Variants in CNKSR2 observed in about 807,000 individuals in gnomAD.
The protein encoded by CNKSR2 is connector enhancer of kinase suppressor of Ras 2.
Under a neutral mutation model 84.4 loss-of-function variants are expected in CNKSR2, and 14 were observed. The ratio of observed to expected loss-of-function variants is 0.17; its 90% confidence interval spans 0.11 to 0.26. The LOEUF is 0.26. Ranked by LOEUF, CNKSR2 falls within the 10% of genes least tolerant of loss-of-function variation. The probability of loss-of-function intolerance (pLI) is 1.00; values close to 1 mark genes in which losing one functional copy is unlikely to be tolerated. For synonymous variants in CNKSR2, 275 were observed against 277.9 expected (o/e 0.99, Z 0.10); for missense variants, 485 against 771.2 (o/e 0.63, Z 4.40).
At chrX:21,377,599 A>G (rs2089837610) in intron 1 of CNKSR2, among the ~76,000 whole-genome samples, 1 of 111,822 alleles carries the variant, frequency 8.9e-6, no homozygotes, top group Non-Finnish European at 1.9e-5. Flanking sequence ...TTAAAAGCAT[A>G]TAGTATATGC....
intron 7 of CNKSR2, 124 bp from the exon 8 acceptor site, chrX:21,501,396 C>T: frequency 2.8e-6 from 1 of 363,459 alleles, no homozygotes. Flanking sequence ...TGCTTTAATT[C>T]CTTGAAATTT....
At chrX:21,526,717 A>G (rs747740203) in intron 9 of CNKSR2, 150 bp from the exon 10 acceptor site, 95 of 488,070 alleles carry the variant, frequency 1.9e-4, no homozygotes, top group Non-Finnish European at 2.7e-4. Flanking sequence ...ACTAAATAAC[A>G]TGTTTCTTGA....
chrX:21,475,181 G>A (rs771959450), intron 5 of CNKSR2, among the ~76,000 whole-genome samples: 2 of 111,391 alleles, frequency 1.8e-5, no homozygotes, highest in African/African-American at 3.3e-5. Flanking sequence ...AGTAACTGAC[G>A]GAGTATTACT....
chrX:21,592,017 A>T (rs1369594911), intron 15 of CNKSR2: 1 of 111,769 alleles, frequency 8.9e-6, no homozygotes, highest in African/African-American at 3.3e-5. Flanking sequence ...TAAGACATTC[A>T]TCAATTTGCA....
intron 1 of CNKSR2, among the ~76,000 whole-genome samples, chrX:21,408,621 C>T (rs976607471): frequency 2.0e-4 from 22 of 111,426 alleles, no homozygotes; most frequent in African/African-American, 7.2e-4. Flanking sequence ...ACTCCACGTT[C>T]TTTTTTGTCT....
chrX:21,551,047 G>A (rs1449775019), intron 11 of CNKSR2, among the ~76,000 whole-genome samples: 1 of 108,280 alleles, frequency 9.2e-6, no homozygotes, highest in Non-Finnish European at 1.9e-5. Flanking sequence ...AAAAAAAAAT[G>A]AGTTTATGTC....
chrX:21,484,664 A>G (rs2091361147), intron 5 of CNKSR2, among the ~76,000 whole-genome samples: 1 of 111,623 alleles, frequency 9.0e-6, no homozygotes, highest in Non-Finnish European at 1.9e-5. Context: ...CCTGCATCAA[A>G]TGAATTTTCT....
chrX:21,379,734 A>G (rs929061610), intron 1 of CNKSR2, among the ~76,000 whole-genome samples: 4 of 111,189 alleles, frequency 3.6e-5, no homozygotes, highest in African/African-American at 1.3e-4. Flanking sequence ...TAGCCTCTGT[A>G]AGGGATGGTA....
Position 21,601,266 on chromosome X carries a change from A to C in CNKSR2, c.1977-16A>C, listed in dbSNP as rs766152067. On this transcript the variant is annotated splice_polypyrimidine_tract_variant and intron_variant, in intron 17 of 21. Coordinates refer to ENST00000379510, the MANE Select transcript of CNKSR2 (RefSeq NM_014927.5). The stretch of plus-strand genomic sequence containing the variant: ...TTAGGTTACAATGTTATTGATTTTA[A>C]TATTTGTTTTCTCAGGTGGCTTAAC... The C allele has an allele frequency of 9.5e-7, 1 of 1,049,194 alleles. No individual in the cohort carries two copies. Among genetic ancestry groups the C allele is most frequent in the Non-Finnish European group, 1.3e-6 (1 of 757,466 alleles). The allele number at this position is 1,049,194 out of a possible 1,213,427, so 86.5% of individuals were successfully genotyped here.
chrX:21,537,897 A>G (rs186856535), intron 11 of CNKSR2: 1 of 108,435 alleles, frequency 9.2e-6, no homozygotes, highest in East Asian at 2.9e-4. Context: ...TTACTCCTTC[A>G]TTTAGGCAAT....
chrX:21,406,044 G>A (rs2090258618), intron 1 of CNKSR2, among the ~76,000 whole-genome samples: 1 of 110,756 alleles, frequency 9.0e-6, no homozygotes, highest in South Asian at 3.8e-4. Context: ...CTATGAAACT[G>A]TACTGGTTCA....
At position 21,500,301 on chromosome X, in the gene CNKSR2, T is replaced by C. The variant is rs193123896; in HGVS notation, c.742-1219T>C. On this transcript the variant is annotated intron_variant, in intron 7 of 21. Coordinates refer to ENST00000379510, the MANE Select transcript of CNKSR2 (RefSeq NM_014927.5). ...AAAATGTGTTGAATGGAGGTTAACA[T>C]TGTTTCAAGACTTCTATGTTTTAAA... 3.6e-5 allele frequency among the ~76,000 whole-genome samples: 4 copies of C among 111,293 alleles called. No homozygotes were observed. In the East Asian group the frequency reaches 1.1e-3, roughly 31 times the overall value.
chrX:21,642,721 C>A, intron 20 of CNKSR2: 1 of 709,158 alleles, frequency 1.4e-6, no homozygotes, highest in Non-Finnish European at 1.7e-6. Flanking sequence ...AAAAATATGA[C>A]CAATTGGTAT....
At chrX:21,570,470 A>C (rs1046547130) in intron 13 of CNKSR2, among the ~76,000 whole-genome samples, 2 of 111,721 alleles carry the variant, frequency 1.8e-5, no homozygotes, top group Middle Eastern at 4.3e-3. Context: ...GTTTAAGGGA[A>C]TGTTATGGCT....
chrX:21,546,686 C>G (rs1004294144), intron 11 of CNKSR2, among the ~76,000 whole-genome samples: 3 of 111,472 alleles, frequency 2.7e-5, no homozygotes, highest in Non-Finnish European at 5.7e-5. Flanking sequence ...AGAGAAAGGT[C>G]GGGTTACCCA....
intron 1 of CNKSR2, among the ~76,000 whole-genome samples, chrX:21,408,304 C>T (rs905443270): frequency 1.8e-5 from 2 of 111,707 alleles, no homozygotes; most frequent in Admixed American, 9.6e-5. Context: ...TGGTTTCTTT[C>T]ACAGGTTGAT....
intron 13 of CNKSR2, among the ~76,000 whole-genome samples, chrX:21,590,080 G>A (rs2092411370): frequency 9.0e-6 from 1 of 111,290 alleles, no homozygotes; most frequent in African/African-American, 3.3e-5. Flanking sequence ...GACAGAAGTA[G>A]GCATGAGAAA....
chrX:21,375,942 C>T (rs1389581052), intron 1 of CNKSR2, among the ~76,000 whole-genome samples: 1 of 111,510 alleles, frequency 9.0e-6, no homozygotes, highest in Non-Finnish European at 1.9e-5. Flanking sequence ...ATCCTCAGGC[C>T]CAACTCTTCC....
At chrX:21,650,108 A>G (rs1002862456) in intron 21 of CNKSR2, among the ~76,000 whole-genome samples, 3 of 111,536 alleles carry the variant, frequency 2.7e-5, no homozygotes, top group Non-Finnish European at 5.6e-5. Flanking sequence ...TCATTCTACT[A>G]TAAAGACACA....
Sources: allele counts gnomAD v4.1 joint callset (sites outside exome capture counted in the v4.1 genomes callset), GRCh38; gene constraint gnomAD v4.1.1; transcripts MANE v1.5; gene names NCBI Gene and HGNC (gene_info 2026-07-23, HGNC 2026-07-21).